CPVL: variants seen among roughly 807,000 people sequenced by gnomAD.
The protein encoded by CPVL is carboxypeptidase vitellogenic like, also known as probable serine carboxypeptidase CPVL.
A neutral mutation model predicts 63.7 loss-of-function variants in CPVL; 51 were observed. That is an observed-to-expected ratio of 0.80 (90% CI 0.64 to 1.01). The LOEUF is 1.01. CPVL is among the 50% of genes least tolerant of loss of function. The pLI is 0.00. For synonymous variants in CPVL, 195 were observed against 206.0 expected, an observed-to-expected ratio of 0.95 and a Z score of 0.46; for missense variants, 530 against 573.1, an observed-to-expected ratio of 0.92 and a Z score of 0.77.
intron 11 of CPVL, among the ~76,000 whole-genome samples, chr7:29,057,325 A>G (rs943510325): frequency 1.3e-5 from 2 of 151,970 alleles, no homozygotes; most frequent in African/African-American, 2.4e-5. Flanking sequence ...TCTTTTTCCC[A>G]TTTCTAAATT....
rs1787931921 is a variant in CPVL at position 29,030,620 on chromosome 7, C to T, written c.1277G>A (p.Ser426Asn). The part of the protein sequence containing the change: ...KKVWKIFKSD[S>N]EVAGYIRQAG... ...TTGCCGGATGTAACCAGCCACTTCA[C>T]TGTCAGATTTAAAGATCTTCCAAAC... Residue 426 changes from serine (S) to asparagine (N), a missense_variant, in exon 12 of 13, where the codon AGT becomes AAT. Transcript: ENST00000265394. 1.2e-6 allele frequency: 2 copies of T among 1,613,718 alleles called. No individual in the cohort carries two copies. Among genetic ancestry groups the T allele is most frequent in the African/African-American group, 2.7e-5 (2 of 74,926 alleles).
Position 29,093,038 on chromosome 7 carries a change from A to G in CPVL, c.463-336T>C, listed in dbSNP as rs150163606. On this transcript the variant is annotated intron_variant, in intron 5 of 12. Transcript: ENST00000265394. ...CCATCCCCTGCTACAGTATCAAAAG[A>G]TCCAAAGTTGTCTCCTCTCTGAAAC... 3.8e-3 allele frequency among the ~76,000 whole-genome samples: 582 copies of G among 152,206 alleles called. 6 individuals are homozygous for G. The highest frequency in any genetic ancestry group is 0.013 in the African/African-American group (559 of 41,504).
At chr7:29,178,418 T>G (rs1056432700) in intron 5 of CPVL, among the ~76,000 whole-genome samples, 1 of 152,196 alleles carries the variant, frequency 6.6e-6, no homozygotes, top group Non-Finnish European at 1.5e-5. Context: ...CCAGCTCCAC[T>G]GGCCGCCTTT....
At chr7:29,071,114 A>T (rs2128575141) in intron 9 of CPVL, among the ~76,000 whole-genome samples, 1 of 152,314 alleles carries the variant, frequency 6.6e-6, no homozygotes, top group South Asian at 2.1e-4. Context: ...AAAAGCAAAA[A>T]AAAACAAAAA....
chr7:29,173,836 A>G (rs1433428316), intron 5 of CPVL, among the ~76,000 whole-genome samples: 1 of 150,750 alleles, frequency 6.6e-6, no homozygotes, highest in African/African-American at 2.4e-5. Context: ...ATGTAATTCC[A>G]TCTTACTTGG....
chr7:29,064,157 C>G lies in CPVL; in HGVS notation c.1041G>C (p.Gln347His). 4 of 1,612,876 alleles carry G rather than the reference C, an allele frequency of 2.5e-6. No homozygotes were observed. Among genetic ancestry groups the G allele is most frequent in the Non-Finnish European group, 3.4e-6 (4 of 1,178,878 alleles). Reference protein sequence around the residue: ...EVRQAIHVGNQTFNDGTIVEK... With the variant: ...EVRQAIHVGNHTFNDGTIVEK... ...CAACTATAGTTCCATCATTAAAAGT[C>G]TGATTCCCCACGTGGATGGCTTGTC... Residue 347 changes from glutamine to histidine, a missense_variant, in exon 11 of 13, where the codon CAG (glutamine) becomes CAC (histidine). Gln to His is a conservative substitution (Grantham distance 24, BLOSUM62 0). Transcript: ENST00000265394.
chr7:28,999,181 C>T (rs1361589612), intron 12 of CPVL, among the ~76,000 whole-genome samples: 15 of 152,138 alleles, frequency 9.9e-5, no homozygotes, highest in Admixed American at 9.8e-4. Flanking sequence ...CACTGCACTC[C>T]AGCCTGGGCG....
At chr7:29,097,302 A>G (rs1786537058) in intron 3 of CPVL, among the ~76,000 whole-genome samples, 1 of 152,248 alleles carries the variant, frequency 6.6e-6, no homozygotes, top group Non-Finnish European at 1.5e-5. Context: ...TGGGCCAGGC[A>G]TAGCGCCGGG....
At chr7:29,011,315 G>T (rs1324396159) in intron 12 of CPVL, 1 of 152,464 alleles carries the variant, frequency 6.6e-6, no homozygotes, top group South Asian at 2.1e-4. Context: ...GGCTCATGCC[G>T]ATAATCCTAG....
At chr7:29,038,848 T>A (rs984794332) in intron 11 of CPVL, among the ~76,000 whole-genome samples, 3 of 152,224 alleles carry the variant, frequency 2.0e-5, no homozygotes, top group Non-Finnish European at 2.9e-5. Flanking sequence ...GGAAGGGAAG[T>A]GGCCTTTTGT....
At position 29,114,010 on chromosome 7, in the gene CPVL, T is replaced by C. The variant is rs548453313; in HGVS notation, c.170-1188A>G. Among the ~76,000 whole-genome samples the C allele has an allele frequency of 6.0e-4, 92 of 152,322 alleles. No homozygotes were observed. The South Asian group carries it at 7.7e-3, about 13-fold the overall frequency. On this transcript the variant is annotated intron_variant, in intron 2 of 12. Coordinates refer to ENST00000265394, the MANE Select transcript of CPVL (RefSeq NM_031311.5). ...AGGTCAGGAAGCTTGACTCCTCACATGCCATCGACTAAAGATGCCTTTGAC... is the reference window on the plus strand; with the variant it reads ...AGGTCAGGAAGCTTGACTCCTCACACGCCATCGACTAAAGATGCCTTTGAC...
At chr7:29,062,360 T>A (rs1782703717) in intron 11 of CPVL, among the ~76,000 whole-genome samples, 1 of 152,068 alleles carries the variant, frequency 6.6e-6, no homozygotes, top group Non-Finnish European at 1.5e-5. Context: ...TGAGAAGTCT[T>A]GAAGCAGCAA....
chr7:29,130,944 T>C (rs1166983363), intron 1 of CPVL, among the ~76,000 whole-genome samples: 1 of 152,196 alleles, frequency 6.6e-6, no homozygotes, highest in East Asian at 1.9e-4. Context: ...CAGAAATTAC[T>C]TTTTGGGGTA....
chr7:28,997,954 C>A (rs1562714826), intron 12 of CPVL, among the ~76,000 whole-genome samples: 1 of 152,212 alleles, frequency 6.6e-6, no homozygotes, highest in Non-Finnish European at 1.5e-5. Flanking sequence ...TGCAGTTGAT[C>A]AATGGTCATT....
At chr7:29,105,624 C>G (rs1787648490) in intron 3 of CPVL, among the ~76,000 whole-genome samples, 1 of 152,120 alleles carries the variant, frequency 6.6e-6, no homozygotes, top group African/African-American at 2.4e-5. Context: ...AATCAGAAGT[C>G]AAAAACCACA....
At chr7:29,084,560 T>TTGTTTTTCTTTTG (rs1421191930) in intron 7 of CPVL, among the ~76,000 whole-genome samples, 1 of 152,206 alleles carries the variant, frequency 6.6e-6, no homozygotes, top group East Asian at 1.9e-4. Context: ...GATTTTTTTG[T>TTGTTTTTCTTTTG]TGTTTTTCAG....
At chr7:29,084,639 A>G (rs1290813177) in intron 7 of CPVL, among the ~76,000 whole-genome samples, 1 of 152,194 alleles carries the variant, frequency 6.6e-6, no homozygotes, top group Non-Finnish European at 1.5e-5. Context: ...GCTGGTACAC[A>G]TTTTTAAAAT....
chr7:29,035,495 C>T (rs1562734068), intron 11 of CPVL, among the ~76,000 whole-genome samples: 1 of 152,188 alleles, frequency 6.6e-6, no homozygotes, highest in Admixed American at 6.5e-5. Flanking sequence ...GTTTGTCTGG[C>T]CCTGGTGACA....
intron 11 of CPVL, among the ~76,000 whole-genome samples, chr7:29,041,489 G>C (rs1204904846): frequency 1.3e-5 from 2 of 152,110 alleles, no homozygotes; most frequent in African/African-American, 4.8e-5. Flanking sequence ...TCAGCTTCAA[G>C]GTCACACCTA....
Sources: gnomAD v4.1 joint callset for allele counts (sites outside exome capture counted in the v4.1 genomes callset) on GRCh38, gnomAD v4.1.1 for gene constraint, MANE v1.5 for transcripts, NCBI Gene and HGNC (gene_info 2026-07-23, HGNC 2026-07-21) for gene names.